UGT1A7: variants seen among roughly 807,000 people sequenced by gnomAD.
UGT1A7 encodes UDP-glucuronosyltransferase 1A7.
A neutral mutation model predicts 45.6 loss-of-function variants in UGT1A7; 33 were observed. The ratio of observed to expected loss-of-function variants is 0.72; its 90% CI spans 0.55 to 0.97. The LOEUF is 0.97. Ranked by LOEUF, UGT1A7 falls within the 50% of genes least tolerant of loss-of-function variation. The probability of loss-of-function intolerance (pLI) is 0.00; values close to 1 mark genes in which losing one functional copy is unlikely to be tolerated. For missense variants in UGT1A7, 684 were observed against 666.2 expected, an observed-to-expected ratio of 1.03 and a Z score of -0.29; for synonymous variants, 274 against 250.6, an observed-to-expected ratio of 1.09 and a Z score of -0.88.
chr2:233,705,449 A>G (rs879424157), intron 1 of UGT1A7, among the ~76,000 whole-genome samples: 1 of 152,242 alleles, frequency 6.6e-6, no homozygotes, highest in Non-Finnish European at 1.5e-5. Flanking sequence ...AGAATTGCAC[A>G]TATTTTTTAG....
At chr2:233,743,500 G>A (rs1692320466) in intron 1 of UGT1A7, 2 of 1,367,072 alleles carry the variant, frequency 1.5e-6, no homozygotes. Flanking sequence ...AGAGAAAAGG[G>A]GTGCAGACGC....
At chr2:233,718,701 G>A in intron 1 of UGT1A7, 1 of 1,599,658 alleles carries the variant, frequency 6.3e-7, no homozygotes, top group Non-Finnish European at 8.5e-7. Context: ...AGGGCACTTT[G>A]TCTTCCAATT....
At chr2:233,747,315 A>G (rs1575682403) in intron 1 of UGT1A7, 17 of 1,603,040 alleles carry the variant, frequency 1.1e-5, no homozygotes, top group Admixed American at 6.7e-5. Flanking sequence ...TGCTGGTGGT[A>G]CCCATTGATG....
intron 1 of UGT1A7, among the ~76,000 whole-genome samples, chr2:233,684,564 A>G (rs758881146): frequency 1.3e-5 from 2 of 152,244 alleles, no homozygotes; most frequent in Non-Finnish European, 2.9e-5. Flanking sequence ...AGAGAGATCT[A>G]TAAAATATGA....
intron 1 of UGT1A7, among the ~76,000 whole-genome samples, chr2:233,759,343 G>T (rs548174363): frequency 1.3e-5 from 2 of 152,096 alleles, no homozygotes; most frequent in Non-Finnish European, 1.5e-5. Context: ...TCAGGTGAGC[G>T]CTGAAAATCT....
At chr2:233,701,472 C>T (rs1331226605) in intron 1 of UGT1A7, among the ~76,000 whole-genome samples, 3 of 152,248 alleles carry the variant, frequency 2.0e-5, no homozygotes, top group South Asian at 4.2e-4. Context: ...AGGAATTGAA[C>T]TCAGCTCTGC....
chr2:233,756,324 A>G lies in UGT1A7; in HGVS notation c.856-10710A>G, dbSNP rs548800161. On this transcript the variant is annotated intron_variant, in intron 1 of 4. Coordinates refer to ENST00000373426, the MANE Select transcript of UGT1A7 (RefSeq NM_019077.3). The stretch of plus-strand genomic sequence containing the variant: ...ATAACCTACCCATATCCTCCTTTAA[A>G]CCTCTAGTCATCTCTTGATTACTTT... 5.1e-4 allele frequency: 77 copies of G among 152,086 alleles called. 1 individual carries two copies. Among genetic ancestry groups the G allele is most frequent in the Middle Eastern group, 3.4e-3 (1 of 294 alleles). 9.4% of individuals were successfully genotyped at this position (152,086 alleles called of 1,614,324 possible).
intron 1 of UGT1A7, among the ~76,000 whole-genome samples, chr2:233,757,279 A>T (rs1159492481): frequency 7.8e-6 from 1 of 127,878 alleles, no homozygotes; most frequent in Admixed American, 8.4e-5. Context: ...GCAATGATTC[A>T]GAAGGGACAG....
intron 1 of UGT1A7, among the ~76,000 whole-genome samples, chr2:233,701,797 G>A (rs981416770): frequency 2.0e-5 from 3 of 152,060 alleles, no homozygotes. Flanking sequence ...TGAAATCAAC[G>A]AGAACAAAGA....
Position 233,730,281 on chromosome 2 carries a change from C to T in UGT1A7, c.856-36753C>T, listed in dbSNP as rs566860864. On this transcript the variant is annotated intron_variant, in intron 1 of 4. Transcript: ENST00000373426. ...GACTGTTGGTTTGTAAAGGCACCATCTTCATGGTTGTGCATGTCCTTCAGC... is the reference window on the plus strand; with the variant it reads ...GACTGTTGGTTTGTAAAGGCACCATTTTCATGGTTGTGCATGTCCTTCAGC... 2.6e-5 allele frequency among the ~76,000 whole-genome samples: 4 copies of T among 152,274 alleles called. No individual in the cohort carries two copies. In the South Asian group the frequency reaches 8.3e-4, roughly 32 times the overall value.
chr2:233,743,985 AGG>A, intron 1 of UGT1A7: 1 of 1,283,222 alleles, frequency 7.8e-7, no homozygotes, highest in South Asian at 1.3e-5. Context: ...ACCCAGGCGC[AGG>A]CCCGAGTGCT....
chr2:233,772,746 T>C lies in UGT1A7; in HGVS notation c.*187T>C. On this transcript the variant is annotated 3_prime_UTR_variant, in exon 5 of 5. Coordinates refer to ENST00000373426, the MANE Select transcript of UGT1A7 (RefSeq NM_019077.3). ...ATAGACTCGCTAGTCAGTAAAGATA[T>C]TTGAATATGTATCGTGCCCCCTCTG... The C allele has an allele frequency of 7.0e-7, 1 of 1,422,530 alleles. No individual in the cohort carries two copies. 88.1% of individuals were successfully genotyped at this position (1,422,530 alleles called of 1,614,324 possible).
intron 1 of UGT1A7, chr2:233,692,199 G>A (rs2075084120): frequency 6.6e-6 from 1 of 152,394 alleles, no homozygotes; most frequent in African/African-American, 2.4e-5. Context: ...TGAAGGTGTG[G>A]AGGGTGGGGC....
intron 1 of UGT1A7, among the ~76,000 whole-genome samples, chr2:233,757,010 A>G (rs1316931838): frequency 1.3e-5 from 2 of 151,932 alleles, no homozygotes; most frequent in African/African-American, 4.8e-5. Flanking sequence ...GGTAGAGTTC[A>G]GTTTGAACAA....
rs112908387 is a variant in UGT1A7, at chr2:233,772,904, C to T, written c.*345C>T. On this transcript the variant is annotated 3_prime_UTR_variant, in exon 5 of 5. Transcript: ENST00000373426. ...GATTCAAAGGTGGTCCCACGGCTGCCCCTACTGCAAATGGCAGTTTTAATC... is the reference window on the plus strand; with the variant it reads ...GATTCAAAGGTGGTCCCACGGCTGCTCCTACTGCAAATGGCAGTTTTAATC... 5 of 414,970 alleles carry T rather than the reference C, an allele frequency of 1.2e-5. No individual in the cohort carries two copies. The highest frequency in any genetic ancestry group is 6.1e-5 in the African/African-American group (3 of 48,900). 25.7% of individuals were successfully genotyped at this position (414,970 alleles called of 1,614,324 possible).
chr2:233,722,721 T>C (rs2077032481), intron 1 of UGT1A7, among the ~76,000 whole-genome samples: 1 of 152,212 alleles, frequency 6.6e-6, no homozygotes, highest in African/African-American at 2.4e-5. Flanking sequence ...TATCAGTTTT[T>C]AAATTTCTCC....
At chr2:233,742,287 T>C (rs1415995429) in intron 1 of UGT1A7, among the ~76,000 whole-genome samples, 2 of 152,000 alleles carry the variant, frequency 1.3e-5, no homozygotes, top group East Asian at 1.9e-4. Context: ...ATCATTTCTA[T>C]AGATTATAGA....
chr2:233,690,538 C>T lies in UGT1A7; in HGVS notation c.855+7746C>T, dbSNP rs960345669. The T allele has an allele frequency of 2.4e-5, 31 of 1,289,752 alleles. 1 individual carries two copies. In the South Asian group the frequency reaches 3.7e-4, roughly 15 times the overall value. The allele number at this position is 1,289,752 out of a possible 1,614,324, so 79.9% of individuals were successfully genotyped here. A position where few individuals can be genotyped will look rare whatever the true frequency, so the allele number is the denominator to read the frequency against. Reference sequence around the variant, plus strand: ...ATCTTAGGATCTACTTCTTTCACCCCACTGGAATATGTCCCAAGCCTGAGT... The same window carrying T: ...ATCTTAGGATCTACTTCTTTCACCCTACTGGAATATGTCCCAAGCCTGAGT... On this transcript the variant is annotated intron_variant, in intron 1 of 4. Coordinates refer to ENST00000373426, the MANE Select transcript of UGT1A7 (RefSeq NM_019077.3).
Position 233,769,147 on chromosome 2 carries a change from G to A in UGT1A7, c.1295+708G>A, listed in dbSNP as rs1297167698. 6.6e-6 allele frequency among the ~76,000 whole-genome samples: 1 copy of A among 152,116 alleles called. No homozygotes were observed. The highest frequency in any genetic ancestry group is 2.4e-5 in the African/African-American group (1 of 41,410). On this transcript the variant is annotated intron_variant, in intron 4 of 4. Transcript: ENST00000373426. This position sits in a 1 kb window ranked among gnomAD's most constrained non-coding sequence, Gnocchi z 4.4. ...AGAAGTACAGCTTTTTGCAGCACTG[G>A]AACCTGTGAGAAATTTTGTCCATGG...
Sources: allele counts gnomAD v4.1 joint callset (sites outside exome capture counted in the v4.1 genomes callset), GRCh38; gene constraint gnomAD v4.1.1; non-coding constraint Gnocchi (gnomAD v3.1); transcripts MANE v1.5; gene names NCBI Gene and HGNC (gene_info 2026-07-23, HGNC 2026-07-21).